The following ZBTB16 variants were observed in gnomAD, a reference collection of about 807,000 sequenced individuals.
ZBTB16 encodes zinc finger and BTB domain-containing protein 16.
ZBTB16 carries 8 observed loss-of-function variants against 56.8 expected under a neutral mutation model. That is an observed-to-expected ratio of 0.14 (90% CI 0.08 to 0.25). ZBTB16 has a LOEUF of 0.25. ZBTB16 is among the 10% of genes least tolerant of loss of function. ZBTB16 has a pLI of 1.00. For missense variants in ZBTB16, 625 were observed against 903.0 expected (o/e 0.69, Z 3.95); for synonymous variants, 363 against 368.5 (o/e 0.98, Z 0.17).
chr11:114,242,377 G>A lies in ZBTB16; in HGVS notation c.1624+40G>A, dbSNP rs780403376. On this transcript the variant is annotated intron_variant, in intron 5 of 6. Transcript: ENST00000335953. ...CTGATGGGTGGATCTGGGTCTCTGG[G>A]AGCCAGCGTCTATATTTACCTCCAA... 33 of 1,608,576 alleles carry A rather than the reference G, an allele frequency of 2.1e-5. No individual in the cohort carries two copies. In the East Asian group the frequency reaches 7.4e-4, roughly 36 times the overall value.
chr11:114,163,544 C>T (rs1942655591), intron 3 of ZBTB16, among the ~76,000 whole-genome samples: 1 of 152,106 alleles, frequency 6.6e-6, no homozygotes, highest in South Asian at 2.1e-4. Flanking sequence ...CTTAGTGCTG[C>T]GGTTTTGCGT....
chr11:114,144,603 A>G (rs1490465071), intron 2 of ZBTB16, among the ~76,000 whole-genome samples: 1 of 152,130 alleles, frequency 6.6e-6, no homozygotes, highest in Non-Finnish European at 1.5e-5. Context: ...CACCATGCCC[A>G]CTCTAACAAG....
Position 114,088,277 on chromosome 11 carries a change from G to A in ZBTB16, c.1268+23709G>A, listed in dbSNP as rs7127190. ...GTGTCTCAGCCTCCCGAGTAGCTGA[G>A]ATTACAGACATGCGCTACCATGCCT... On this transcript the variant is annotated intron_variant, in intron 2 of 6. Transcript: ENST00000335953. Among the ~76,000 whole-genome samples the A allele has an allele frequency of 2.1e-3, 326 of 151,730 alleles. 10 individuals are homozygous for A. The East Asian group carries it at 0.053, about 24-fold the overall frequency.
intron 3 of ZBTB16, among the ~76,000 whole-genome samples, chr11:114,169,891 A>C (rs1213077055): frequency 6.6e-6 from 1 of 152,112 alleles, no homozygotes; most frequent in Non-Finnish European, 1.5e-5. Flanking sequence ...ACCTTTCTGG[A>C]CAAGAGGAAG....
intron 2 of ZBTB16, among the ~76,000 whole-genome samples, chr11:114,142,719 AAGGGAGGATGT>A (rs1455329782): frequency 6.6e-6 from 1 of 151,964 alleles, no homozygotes; most frequent in African/African-American, 2.4e-5. Flanking sequence ...GAATGGTGGG[AAGGGAGGATGT>A]AGGGAGGATG....
intron 2 of ZBTB16, among the ~76,000 whole-genome samples, chr11:114,096,194 T>C (rs1023815969): frequency 1.3e-5 from 2 of 152,212 alleles, no homozygotes; most frequent in Admixed American, 6.5e-5. Flanking sequence ...AAAATTGCCT[T>C]TTCCCTTGTC....
chr11:114,078,409 T>G (rs7113940), intron 2 of ZBTB16, among the ~76,000 whole-genome samples: 61,605 of 152,126 alleles, frequency 0.4, 12,997 homozygotes, highest in African/African-American at 0.44. Context: ...TTTTCTACCT[T>G]CCCTGACTTT....
At chr11:114,092,803 A>T (rs146097990) in intron 2 of ZBTB16, among the ~76,000 whole-genome samples, 6 of 152,198 alleles carry the variant, frequency 3.9e-5, no homozygotes, top group African/African-American at 1.2e-4. Context: ...TGGTCCTTTT[A>T]TGAGTCTGAA....
In ZBTB16 at chr11:114,250,226, T is replaced by C. The variant is rs1944893736; in HGVS notation, c.1793-100T>C. On this transcript the variant is annotated intron_variant, in intron 6 of 6. Coordinates refer to ENST00000335953, the MANE Select transcript of ZBTB16 (RefSeq NM_006006.6). The surrounding 1 kb of genome is among the most constrained non-coding windows in gnomAD (Gnocchi z 6.0). Reference sequence around the variant, plus strand: ...AAAGTTCTGTTGGAGCAAGCCCAGCTGGAGGAACCCAGCTTCCCTGGCACG... The same window carrying C: ...AAAGTTCTGTTGGAGCAAGCCCAGCCGGAGGAACCCAGCTTCCCTGGCACG... 8 of 1,376,088 alleles carry C rather than the reference T, an allele frequency of 5.8e-6. No individual in the cohort carries two copies. Among genetic ancestry groups the C allele is most frequent in the Non-Finnish European group, 8.2e-6 (8 of 979,018 alleles). 85.2% of individuals were successfully genotyped at this position (1,376,088 alleles called of 1,614,324 possible). A position where few individuals can be genotyped will look rare whatever the true frequency, so the allele number is the denominator to read the frequency against.
intron 2 of ZBTB16, among the ~76,000 whole-genome samples, chr11:114,082,127 A>AAAAT (rs1939787842): frequency 6.6e-6 from 1 of 151,334 alleles, no homozygotes; most frequent in Non-Finnish European, 1.5e-5. Flanking sequence ...AAAAAAAAAA[A>AAAAT]AAAAATTAAA....
At chr11:114,210,546 A>G (rs1451714838) in intron 4 of ZBTB16, 1 of 231,344 alleles carries the variant, frequency 4.3e-6, no homozygotes, top group Non-Finnish European at 8.6e-6. Context: ...TTTTGGAAGA[A>G]GCGGATTAGT....
intron 2 of ZBTB16, among the ~76,000 whole-genome samples, chr11:114,067,691 G>A (rs938943608): frequency 2.6e-5 from 4 of 152,166 alleles, no homozygotes; most frequent in Admixed American, 2.0e-4. Flanking sequence ...ATAGGTGTGT[G>A]CCACCCTGCT....
intron 2 of ZBTB16, among the ~76,000 whole-genome samples, chr11:114,131,927 AC>A (rs1941670156): frequency 2.0e-5 from 3 of 152,118 alleles, no homozygotes; most frequent in Admixed American, 6.6e-5. Flanking sequence ...TGTATCTTTG[AC>A]TTTCTTTGAG....
At chr11:114,223,303 G>C (rs1285862314) in intron 4 of ZBTB16, among the ~76,000 whole-genome samples, 1 of 152,180 alleles carries the variant, frequency 6.6e-6, no homozygotes, top group Non-Finnish European at 1.5e-5. Flanking sequence ...GTGGATATGA[G>C]TGTACACCTA....
chr11:114,144,330 T>A (rs1175000390), intron 2 of ZBTB16, among the ~76,000 whole-genome samples: 3 of 152,100 alleles, frequency 2.0e-5, no homozygotes, highest in South Asian at 2.1e-4. Context: ...AAACTCATAA[T>A]TTTCACACCA....
chr11:114,226,879 T>A (rs999292865), intron 4 of ZBTB16, among the ~76,000 whole-genome samples: 4 of 152,134 alleles, frequency 2.6e-5, no homozygotes, highest in African/African-American at 9.7e-5. Flanking sequence ...TTTTACTATT[T>A]TTCTTTATCA....
At chr11:114,223,052 T>G (rs1268426363) in intron 4 of ZBTB16, among the ~76,000 whole-genome samples, 1 of 152,212 alleles carries the variant, frequency 6.6e-6, no homozygotes. Flanking sequence ...CAGAAGTTGT[T>G]GTCAGGTTTG....
chr11:114,195,386 C>G (rs1193854844), intron 4 of ZBTB16, among the ~76,000 whole-genome samples: 1 of 152,044 alleles, frequency 6.6e-6, no homozygotes, highest in Non-Finnish European at 1.5e-5. Context: ...CAGGGCTGGT[C>G]TGTGTGGGCC....
chr11:114,162,998 C>T (rs1416180070), intron 3 of ZBTB16, among the ~76,000 whole-genome samples: 1 of 152,186 alleles, frequency 6.6e-6, no homozygotes, highest in Non-Finnish European at 1.5e-5. Context: ...TTTATGATCG[C>T]TTGCAGATGC....
Sources: allele counts gnomAD v4.1 joint callset (sites outside exome capture counted in the v4.1 genomes callset), GRCh38; gene constraint gnomAD v4.1.1; non-coding constraint Gnocchi (gnomAD v3.1); transcripts MANE v1.5; gene names NCBI Gene and HGNC (gene_info 2026-07-23, HGNC 2026-07-21).